The following SKI variants were observed in gnomAD, a reference collection of about 807,000 sequenced individuals.
SKI encodes the protein ski oncogene.
SKI carries 23 observed loss-of-function variants against 59.3 expected under a neutral mutation model. The observed-to-expected ratio is 0.39, with a 90% CI of 0.28 to 0.55. The LOEUF (loss-of-function observed/expected upper bound fraction) is 0.55. SKI is among the 20% of genes least tolerant of loss of function. SKI has a pLI of 0.67. For synonymous variants in SKI, 673 were observed against 488.6 expected (o/e 1.38, Z -4.98); for missense variants, 1,017 against 1,038.9 (o/e 0.98, Z 0.29).
In SKI at chr1:2,306,005, G is replaced by A. The variant is rs747517235; in HGVS notation, c.1768-15G>A. ...ACCGGCTGGGCAGTGACCCCGAGCC[G>A]CCTCCGGCCCCCAGGAGCTGGAGTT... On this transcript the variant is annotated splice_polypyrimidine_tract_variant and intron_variant, in intron 5 of 6. Coordinates refer to ENST00000378536, the MANE Select transcript of SKI (RefSeq NM_003036.4). 10 of 1,557,494 alleles carry A rather than the reference G, an allele frequency of 6.4e-6. No homozygotes were observed. In the African/African-American group the frequency reaches 9.5e-5, roughly 15 times the overall value.
At position 2,291,227 on chromosome 1, in the gene SKI, G is replaced by A. The variant is rs372764566; in HGVS notation, c.970-11751G>A. 4.6e-5 allele frequency among the ~76,000 whole-genome samples: 7 copies of A among 152,366 alleles called. No homozygotes were observed. In the East Asian group the frequency reaches 9.6e-4, roughly 21 times the overall value. ...TTCAGTAGCATCGGAGGAAAAGAAC[G>A]ATACATTCGCCCCAGTGTGTCCCCT... On this transcript the variant is annotated intron_variant, in intron 1 of 6. Coordinates refer to ENST00000378536, the MANE Select transcript of SKI (RefSeq NM_003036.4).
At chr1:2,245,317 C>A (rs1281971086) in intron 1 of SKI, among the ~76,000 whole-genome samples, 1 of 152,138 alleles carries the variant, frequency 6.6e-6, no homozygotes, top group Non-Finnish European at 1.5e-5. Context: ...ATTTTGTTTA[C>A]CCATTTCTGT....
At chr1:2,262,380 A>G (rs1240391537) in intron 1 of SKI, among the ~76,000 whole-genome samples, 1 of 138,692 alleles carries the variant, frequency 7.2e-6, no homozygotes, top group Non-Finnish European at 1.5e-5. Context: ...GTGGGAGTGG[A>G]CACCCTCGCT....
At chr1:2,290,067 G>C (rs918565600) in intron 1 of SKI, among the ~76,000 whole-genome samples, 2 of 152,180 alleles carry the variant, frequency 1.3e-5, no homozygotes, top group African/African-American at 4.8e-5. Flanking sequence ...TGTGGCGCCG[G>C]GGGTCCCTGT....
intron 1 of SKI, among the ~76,000 whole-genome samples, chr1:2,243,722 G>A (rs151214751): frequency 6.6e-6 from 1 of 152,334 alleles, no homozygotes; most frequent in East Asian, 1.9e-4. Flanking sequence ...TGGGATGCTA[G>A]GGGTGTGGTG....
rs1271026522 is a variant in SKI at position 2,289,627 on chromosome 1, G to A, written c.970-13351G>A. Among the ~76,000 whole-genome samples, 4 of 150,876 alleles carry A rather than the reference G, an allele frequency of 2.7e-5. No individual in the cohort carries two copies. The South Asian group carries it at 8.5e-4, about 32-fold the overall frequency. ...GCAGGAGAACCAAGATCGTGGGGGT[G>A]GGGGTGCAGCACAGGTCGTGCTCCC... On this transcript the variant is annotated intron_variant, in intron 1 of 6. Coordinates refer to ENST00000378536, the MANE Select transcript of SKI (RefSeq NM_003036.4).
chr1:2,233,575 G>A (rs550873767), intron 1 of SKI, among the ~76,000 whole-genome samples: 32 of 152,234 alleles, frequency 2.1e-4, no homozygotes, highest in Middle Eastern at 3.4e-3. Flanking sequence ...CTTCCCAGTG[G>A]AGGGTCCGCG....
intron 1 of SKI, among the ~76,000 whole-genome samples, chr1:2,285,570 TTG>T (rs1172941603): frequency 2.2e-5 from 3 of 137,488 alleles, no homozygotes; most frequent in Non-Finnish European, 4.6e-5. Context: ...TTTGTTGTTT[TTG>T]TTTTTTTTTT....
intron 1 of SKI, among the ~76,000 whole-genome samples, chr1:2,296,762 C>T (rs1326884638): frequency 1.3e-5 from 2 of 152,162 alleles, no homozygotes; most frequent in African/African-American, 4.8e-5. Context: ...TGTTTTCTCT[C>T]TGTTCCTTGT....
At chr1:2,305,944 C>G in intron 5 of SKI, 76 bp from the exon 6 acceptor site, 1 of 1,134,508 alleles carries the variant, frequency 8.8e-7, no homozygotes, top group Non-Finnish European at 1.3e-6. Flanking sequence ...ACGGGGTGGG[C>G]TGAGGACTGC....
intron 1 of SKI, among the ~76,000 whole-genome samples, chr1:2,286,564 G>T (rs1458416724): frequency 6.6e-6 from 1 of 152,232 alleles, no homozygotes; most frequent in Non-Finnish European, 1.5e-5. Context: ...CACAGTTCTT[G>T]ATTTGAACCC....
intron 1 of SKI, among the ~76,000 whole-genome samples, chr1:2,251,656 G>A (rs138297288): frequency 1.9e-3 from 291 of 152,338 alleles, no homozygotes; most frequent in African/African-American, 6.7e-3. Flanking sequence ...GGGGGCTGGC[G>A]CCGGGCAGTG....
intron 1 of SKI, among the ~76,000 whole-genome samples, chr1:2,300,728 G>A (rs1030141266): frequency 1.4e-4 from 21 of 152,182 alleles, no homozygotes; most frequent in African/African-American, 5.1e-4. Context: ...ATGAGGGGTC[G>A]GCAGGGGTCT....
chr1:2,273,511 T>C (rs901793591), intron 1 of SKI, among the ~76,000 whole-genome samples: 2 of 152,090 alleles, frequency 1.3e-5, no homozygotes, highest in African/African-American at 2.4e-5. Flanking sequence ...CGGGAGGGCC[T>C]GGCCCTGCCT....
At chr1:2,240,733 A>G in intron 1 of SKI, 1 of 985,424 alleles carries the variant, frequency 1.0e-6, no homozygotes, top group Non-Finnish European at 1.2e-6. Context: ...GGTGGCGCAG[A>G]CACGGACTTC....
At chr1:2,250,064 C>A (rs531678792) in intron 1 of SKI, among the ~76,000 whole-genome samples, 1 of 152,112 alleles carries the variant, frequency 6.6e-6, no homozygotes, top group Non-Finnish European at 1.5e-5. Context: ...GCCCACCACG[C>A]CCGGCTAATA....
At chr1:2,301,021 T>G (rs1025852041) in intron 1 of SKI, among the ~76,000 whole-genome samples, 5 of 152,220 alleles carry the variant, frequency 3.3e-5, no homozygotes, top group South Asian at 4.1e-4. Flanking sequence ...AAGGAGTCTC[T>G]GAGTCTCCCG....
At chr1:2,260,432 T>C (rs1639359995) in intron 1 of SKI, among the ~76,000 whole-genome samples, 2 of 152,156 alleles carry the variant, frequency 1.3e-5, no homozygotes, top group African/African-American at 4.8e-5. Flanking sequence ...GCGCCTTACG[T>C]AGACTTTGTC....
Position 2,229,300 on chromosome 1 carries a change from C to T in SKI, c.534C>T (p.Thr178=). The T allele has an allele frequency of 6.3e-7, 1 of 1,596,274 alleles. No individual in the cohort carries two copies. Among genetic ancestry groups the T allele is most frequent in the Non-Finnish European group, 8.5e-7 (1 of 1,172,340 alleles). Residue 178 remains threonine (T), a synonymous_variant, in exon 1 of 7, where the codon ACC becomes ACT. Transcript: ENST00000378536. The surrounding 1 kb of genome is among the most constrained non-coding windows in gnomAD (Gnocchi z 6.3). The part of the protein sequence containing the change: ...PFSAPSCGLI[T]KTDAERLCNA... ...CGGCGCCCTCGTGCGGGCTCATCACCAAGACGGACGCCGAGCGCCTGTGCA... is the reference window on the plus strand; with the variant it reads ...CGGCGCCCTCGTGCGGGCTCATCACTAAGACGGACGCCGAGCGCCTGTGCA...
Sources: allele counts gnomAD v4.1 joint callset (sites outside exome capture counted in the v4.1 genomes callset), GRCh38; gene constraint gnomAD v4.1.1; non-coding constraint Gnocchi (gnomAD v3.1); transcripts MANE v1.5; gene names NCBI Gene and HGNC (gene_info 2026-07-23, HGNC 2026-07-21).